The following JMJD1C variants were observed in gnomAD, a reference collection of about 807,000 sequenced individuals.
JMJD1C encodes the protein jumonji domain containing 1C, also known as jumonji domain-containing protein 1C.
In JMJD1C, 31 loss-of-function variants were observed where a neutral mutation model predicts 245.3. The ratio of observed to expected loss-of-function variants is 0.13; its 90% CI spans 0.09 to 0.17. The LOEUF is 0.17. JMJD1C is among the 10% of genes least tolerant of loss of function. The pLI is 1.00. For missense variants in JMJD1C, 2,691 were observed against 3,000.2 expected (o/e 0.90, Z 2.41); for synonymous variants, 1,057 against 1,017.4 (o/e 1.04, Z -0.74).
intron 13 of JMJD1C, among the ~76,000 whole-genome samples, chr10:63,196,885 C>A (rs1341130876): frequency 1.3e-5 from 2 of 152,192 alleles, no homozygotes; most frequent in Non-Finnish European, 2.9e-5. Flanking sequence ...CAGCCTCCAT[C>A]TCCTGGGTTC....
chr10:63,475,407 C>T (rs1377703918), intron 1 of JMJD1C, among the ~76,000 whole-genome samples: 1 of 152,160 alleles, frequency 6.6e-6, no homozygotes, highest in Non-Finnish European at 1.5e-5. Flanking sequence ...AAATAGTTAG[C>T]GCTACCTTAA....
chr10:63,437,251 C>T lies in JMJD1C; in HGVS notation c.168+28244G>A, dbSNP rs954916864. Among the ~76,000 whole-genome samples, 48 of 152,132 alleles carry T rather than the reference C, an allele frequency of 3.2e-4. 2 individuals carry two copies. Among genetic ancestry groups the T allele is most frequent in the Admixed American group, 2.6e-3 (39 of 15,270 alleles). ...ATGACCAATGTCAAGTCAGTCCTTG[C>T]TGTACATAATTTCCTTATTTCATTC... On this transcript the variant is annotated intron_variant, in intron 1 of 25. Coordinates refer to ENST00000399262, the MANE Select transcript of JMJD1C (RefSeq NM_032776.3).
intron 3 of JMJD1C, among the ~76,000 whole-genome samples, chr10:63,258,381 T>A (rs1854245319): frequency 6.6e-6 from 1 of 152,252 alleles, no homozygotes; most frequent in South Asian, 2.1e-4. Flanking sequence ...CTGCTTCTGA[T>A]ATTTACAATA....
intron 1 of JMJD1C, among the ~76,000 whole-genome samples, chr10:63,431,577 G>A (rs1453265011): frequency 6.6e-6 from 1 of 152,188 alleles, no homozygotes; most frequent in African/African-American, 2.4e-5. Flanking sequence ...AGACAGAGAC[G>A]ATAATATGAC....
chr10:63,202,638 G>A, intron 10 of JMJD1C: 1 of 985,372 alleles, frequency 1.0e-6, no homozygotes, highest in Admixed American at 6.1e-5. Flanking sequence ...TTAGGGTAAG[G>A]AGCCATTTGG....
chr10:63,444,772 C>G (rs974736221), intron 1 of JMJD1C, among the ~76,000 whole-genome samples: 1 of 152,068 alleles, frequency 6.6e-6, no homozygotes, highest in Non-Finnish European at 1.5e-5. Flanking sequence ...ATTACAGGTG[C>G]CCACCACCAC....
chr10:63,463,868 T>C (rs1952980446), intron 1 of JMJD1C, among the ~76,000 whole-genome samples: 1 of 152,198 alleles, frequency 6.6e-6, no homozygotes, highest in Non-Finnish European at 1.5e-5. Flanking sequence ...CTACCATCCA[T>C]AGATAATTTA....
Position 63,465,516 on chromosome 10 carries a change from G to A in JMJD1C, c.147C>T (p.Asp49=), listed in dbSNP as rs2133123207. 6.2e-7 allele frequency: 1 copy of A among 1,605,474 alleles called. No homozygotes were observed. Among genetic ancestry groups the A allele is most frequent in the Non-Finnish European group, 8.5e-7 (1 of 1,178,260 alleles). The change falls in exon 1 of 26, where the codon GAC becomes GAT. Residue 49 remains aspartate (D), a synonymous_variant. Coordinates refer to ENST00000399262, the MANE Select transcript of JMJD1C (RefSeq NM_032776.3). ...AGVIRAVSHR[D]SRNPDLAVYV... ...TTACCGCCAGGTCCGGATTGCGGCTGTCCCTGTGTGACACGGCTCGGATGA... is the reference window on the plus strand; with the variant it reads ...TTACCGCCAGGTCCGGATTGCGGCTATCCCTGTGTGACACGGCTCGGATGA...
intron 2 of JMJD1C, among the ~76,000 whole-genome samples, chr10:63,355,957 T>C (rs1944807850): frequency 6.6e-6 from 1 of 152,204 alleles, no homozygotes; most frequent in Non-Finnish European, 1.5e-5. Flanking sequence ...TAAATTCATC[T>C]TGTGTTCCAA....
intron 3 of JMJD1C, 147 bp from the exon 4 acceptor site, chr10:63,220,130 T>C (rs895803165): frequency 2.1e-5 from 11 of 514,342 alleles, no homozygotes; most frequent in African/African-American, 1.7e-4. Flanking sequence ...TTATAGTTCA[T>C]TGGCAATTGT....
At chr10:63,257,625 T>C (rs902272700) in intron 3 of JMJD1C, among the ~76,000 whole-genome samples, 3 of 152,228 alleles carry the variant, frequency 2.0e-5, no homozygotes, top group Non-Finnish European at 2.9e-5. Context: ...TTGTACCTTA[T>C]TGAATATCAC....
intron 2 of JMJD1C, among the ~76,000 whole-genome samples, chr10:63,295,471 CCT>C (rs1859271813): frequency 6.6e-6 from 1 of 152,082 alleles, no homozygotes; most frequent in Admixed American, 6.6e-5. Context: ...GTGTTTCAAG[CCT>C]ATGAGTTCTG....
At chr10:63,383,971 G>C (rs906659152) in intron 1 of JMJD1C, among the ~76,000 whole-genome samples, 3 of 152,074 alleles carry the variant, frequency 2.0e-5, no homozygotes, top group African/African-American at 7.2e-5. Flanking sequence ...ATGCAATATT[G>C]TTGGCCACTT....
rs1554828882 is a variant in JMJD1C at position 63,185,549 on chromosome 10, G to C, written c.6830+14C>G. 1.3e-6 allele frequency: 2 copies of C among 1,492,618 alleles called. No homozygotes were observed. Among genetic ancestry groups the C allele is most frequent in the Non-Finnish European group, 1.9e-6 (2 of 1,068,260 alleles). The allele number at this position is 1,492,618 out of a possible 1,614,324, so 92.5% of individuals were successfully genotyped here. On this transcript the variant is annotated intron_variant, in intron 20 of 25. Transcript: ENST00000399262. ...ATCTCAAAAAGTCAAGAGTCAAAAT[G>C]AAAAGTTTCAAACCTTGCTGGCATC... is the stretch of plus-strand genomic sequence containing the variant.
At chr10:63,210,734 T>C (rs868802121) in intron 8 of JMJD1C, among the ~76,000 whole-genome samples, 6 of 152,152 alleles carry the variant, frequency 3.9e-5, no homozygotes, top group Admixed American at 6.5e-5. Flanking sequence ...ACAATAAAAA[T>C]AGAAACCTTG....
intron 2 of JMJD1C, among the ~76,000 whole-genome samples, chr10:63,302,456 T>C (rs1300161870): frequency 1.3e-5 from 2 of 152,232 alleles, no homozygotes; most frequent in Non-Finnish European, 2.9e-5. Context: ...GCTAATCTGA[T>C]ATTTGAAAAA....
chr10:63,237,367 T>C (rs1850869637), intron 3 of JMJD1C, among the ~76,000 whole-genome samples: 1 of 152,070 alleles, frequency 6.6e-6, no homozygotes, highest in African/African-American at 2.4e-5. Context: ...TTTTTTAATA[T>C]ACAGTGCAAT....
chr10:63,399,441 G>A (rs1264014430), intron 1 of JMJD1C, among the ~76,000 whole-genome samples: 2 of 152,022 alleles, frequency 1.3e-5, no homozygotes, highest in Admixed American at 1.3e-4. Context: ...CCTTTTCTAG[G>A]CCTTTTTACA....
chr10:63,350,963 G>A (rs745538267), intron 2 of JMJD1C, among the ~76,000 whole-genome samples: 31 of 151,518 alleles, frequency 2.0e-4, no homozygotes, highest in Non-Finnish European at 3.4e-4. Context: ...CTCTGGTGCT[G>A]TATTTATGAC....
Sources: gnomAD v4.1 joint callset for allele counts (sites outside exome capture counted in the v4.1 genomes callset) on GRCh38, gnomAD v4.1.1 for gene constraint, MANE v1.5 for transcripts, NCBI Gene and HGNC (gene_info 2026-07-23, HGNC 2026-07-21) for gene names.